CALN1: variants seen among roughly 807,000 people sequenced by gnomAD.
CALN1 encodes the protein calcium-binding protein 8.
Under a neutral mutation model 30.6 loss-of-function variants are expected in CALN1, and 17 were observed. The ratio of observed to expected loss-of-function variants is 0.56; its 90% CI spans 0.38 to 0.83. CALN1 has a LOEUF of 0.83. CALN1 is among the 40% of genes least tolerant of loss of function. The probability of loss-of-function intolerance (pLI) is 0.00; values close to 1 mark genes in which losing one functional copy is unlikely to be tolerated. For synonymous variants in CALN1, 156 were observed against 131.4 expected, an observed-to-expected ratio of 1.19 and a Z score of -1.28; for missense variants, 291 against 354.9, an observed-to-expected ratio of 0.82 and a Z score of 1.45.
chr7:71,868,882 G>C (rs569536032), intron 5 of CALN1, among the ~76,000 whole-genome samples: 2 of 152,216 alleles, frequency 1.3e-5, no homozygotes, highest in Non-Finnish European at 2.9e-5. Flanking sequence ...TTCAATCACT[G>C]TGTTTGTAGC....
intron 5 of CALN1, among the ~76,000 whole-genome samples, chr7:71,931,186 T>C (rs770247485): frequency 6.6e-6 from 1 of 152,234 alleles, no homozygotes; most frequent in African/African-American, 2.4e-5. Context: ...TTAGAGGGGA[T>C]AACATTTTGC....
chr7:71,875,152 C>A (rs1465894665), intron 5 of CALN1, among the ~76,000 whole-genome samples: 1 of 102,896 alleles, frequency 9.7e-6, no homozygotes, highest in East Asian at 3.1e-4. Flanking sequence ...GTAAAGGAGA[C>A]TCTGTCTCAA....
chr7:72,343,123 C>T (rs767939359), intron 2 of CALN1, among the ~76,000 whole-genome samples: 2 of 152,064 alleles, frequency 1.3e-5, no homozygotes, highest in Non-Finnish European at 2.9e-5. Flanking sequence ...ATAACTGCCT[C>T]GAAAGACTAT....
At chr7:72,487,905 A>AAGGAAGGAAG in the CALN1 span, among the ~76,000 whole-genome samples, 1 of 78,122 alleles carries the variant, frequency 1.3e-5, no homozygotes, top group Non-Finnish European at 2.6e-5. Flanking sequence ...AAAGAAAGAA[A>AAGGAAGGAAG]GAAAGAAAGA....
chr7:72,153,763 G>C (rs1177170493), intron 3 of CALN1, among the ~76,000 whole-genome samples: 1 of 152,108 alleles, frequency 6.6e-6, no homozygotes, highest in Non-Finnish European at 1.5e-5. Context: ...ATGGTGCCCT[G>C]GCCTTTCATC....
At chr7:72,229,717 G>A (rs1475521374) in intron 3 of CALN1, among the ~76,000 whole-genome samples, 5 of 151,976 alleles carry the variant, frequency 3.3e-5, no homozygotes, top group African/African-American at 1.2e-4. Context: ...TCACTCATAA[G>A]TGGAAGTTGA....
At chr7:71,816,784 A>C (rs1426273877) in intron 5 of CALN1, among the ~76,000 whole-genome samples, 3 of 152,128 alleles carry the variant, frequency 2.0e-5, no homozygotes, top group Non-Finnish European at 4.4e-5. Context: ...CCTGACCAAC[A>C]TGGTGAAACC....
intron 4 of CALN1, among the ~76,000 whole-genome samples, chr7:72,060,226 T>C (rs780960559): frequency 6.6e-6 from 1 of 152,204 alleles, no homozygotes; most frequent in African/African-American, 2.4e-5. Flanking sequence ...GGTGCTTACA[T>C]GCTCTGAAGG....
Position 72,102,931 on chromosome 7 carries a change from G to A in CALN1, c.388+3220C>T, listed in dbSNP as rs186117491. ...GTACTAAAAATATGAAAATTAGCTG[G>A]GCATGGTGGTGGGCACCTGTAGGCC... On this transcript the variant is annotated intron_variant, in intron 4 of 6. Coordinates refer to ENST00000395275, the MANE Select transcript of CALN1 (RefSeq NM_031468.4). Among the ~76,000 whole-genome samples, 458 of 152,124 alleles carry A rather than the reference G, an allele frequency of 3.0e-3. 1 individual carries two copies. Among genetic ancestry groups the A allele is most frequent in the Non-Finnish European group, 4.8e-3 (323 of 67,984 alleles).
intron 5 of CALN1, among the ~76,000 whole-genome samples, chr7:71,853,035 T>C (rs999957737): frequency 6.6e-6 from 1 of 152,190 alleles, no homozygotes; most frequent in Non-Finnish European, 1.5e-5. Flanking sequence ...TTTCCTATTC[T>C]TAGTGGTTCC....
At chr7:72,004,797 G>C (rs780762902) in intron 5 of CALN1, among the ~76,000 whole-genome samples, 16 of 151,938 alleles carry the variant, frequency 1.1e-4, no homozygotes, top group Non-Finnish European at 2.1e-4. Context: ...AAACTCAAGA[G>C]CAAAACAAAA....
intron 3 of CALN1, among the ~76,000 whole-genome samples, chr7:72,164,272 G>A (rs568360276): frequency 9.3e-5 from 14 of 149,984 alleles, no homozygotes; most frequent in African/African-American, 3.4e-4. Context: ...GGAGGCTGAA[G>A]CAGCAGAATC....
chr7:72,191,270 G>A (rs78065113), intron 3 of CALN1, among the ~76,000 whole-genome samples: 1,820 of 152,208 alleles, frequency 0.012, 31 homozygotes, highest in African/African-American at 0.04. Flanking sequence ...CAATTTAGGC[G>A]GAAGCTACAG....
At chr7:71,952,824 T>C (rs1342045550) in intron 5 of CALN1, among the ~76,000 whole-genome samples, 1 of 152,164 alleles carries the variant, frequency 6.6e-6, no homozygotes, top group African/African-American at 2.4e-5. Flanking sequence ...TGCCTTCACA[T>C]TCAAAGCTCA....
chr7:72,259,013 G>A lies in CALN1; in HGVS notation c.244+19673C>T, dbSNP rs113723773. ...GGAGAATTGCTTGAACCTGGGAGGCGGAGGTTGCAGTGAGCCAAGATCACA... is the reference window on the plus strand; with the variant it reads ...GGAGAATTGCTTGAACCTGGGAGGCAGAGGTTGCAGTGAGCCAAGATCACA... On this transcript the variant is annotated intron_variant, in intron 3 of 6. Transcript: ENST00000395275. Among the ~76,000 whole-genome samples, 1,131 of 151,726 alleles carry A rather than the reference G, an allele frequency of 7.5e-3. 10 individuals are homozygous for A. Among genetic ancestry groups the A allele is most frequent in the African/African-American group, 0.024 (980 of 41,432 alleles).
chr7:72,340,054 T>C (rs190196866), intron 2 of CALN1, among the ~76,000 whole-genome samples: 75 of 152,340 alleles, frequency 4.9e-4, no homozygotes, highest in East Asian at 4.0e-3. Context: ...GACTAGCACA[T>C]AGACCTTGGA....
At chr7:72,011,386 C>T (rs1393858553) in intron 5 of CALN1, among the ~76,000 whole-genome samples, 1 of 152,098 alleles carries the variant, frequency 6.6e-6, no homozygotes, top group Admixed American at 6.5e-5. Flanking sequence ...CTCTTGGCTG[C>T]ACCGTTGAAC....
chr7:72,428,595 T>A (rs1807872568), intron 1 of CALN1, among the ~76,000 whole-genome samples: 1 of 152,166 alleles, frequency 6.6e-6, no homozygotes, highest in Non-Finnish European at 1.5e-5. Context: ...TATCACCATG[T>A]TGCCCAGGCT....
At chr7:72,258,657 C>T (rs1329422402) in intron 3 of CALN1, among the ~76,000 whole-genome samples, 2 of 152,124 alleles carry the variant, frequency 1.3e-5, no homozygotes, top group South Asian at 2.1e-4. Context: ...TGGTGGCTCA[C>T]GCCTGTAATC....
Sources: allele counts gnomAD v4.1 joint callset (sites outside exome capture counted in the v4.1 genomes callset), GRCh38; gene constraint gnomAD v4.1.1; transcripts MANE v1.5; gene names NCBI Gene and HGNC (gene_info 2026-07-23, HGNC 2026-07-21).